The following ATP8A1 variants were observed in gnomAD, a reference collection of about 807,000 sequenced individuals.
ATP8A1 encodes the protein phospholipid-transporting ATPase IA.
ATP8A1 carries 90 observed loss-of-function variants against 177.7 expected under a neutral mutation model. The ratio of observed to expected loss-of-function variants is 0.51; its 90% confidence interval spans 0.43 to 0.60. The LOEUF (loss-of-function observed/expected upper bound fraction) is 0.60, where lower values mean the gene tolerates loss of function less well. ATP8A1 is among the 20% of genes least tolerant of loss of function. ATP8A1 has a pLI of 0.00. For missense variants in ATP8A1, 1,072 were observed against 1,392.8 expected (o/e 0.77, Z 3.67); for synonymous variants, 493 against 485.9 (o/e 1.01, Z -0.19).
intron 2 of ATP8A1, 31 bp downstream of exon 2, chr4:42,626,964 T>C: frequency 6.5e-7 from 1 of 1,536,776 alleles, no homozygotes; most frequent in Non-Finnish European, 9.0e-7. Flanking sequence ...CTCTGCTGGC[T>C]GGTCTCATGG....
intron 22 of ATP8A1, among the ~76,000 whole-genome samples, chr4:42,510,760 C>G (rs1462230868): frequency 1.3e-5 from 2 of 152,140 alleles, no homozygotes; most frequent in Non-Finnish European, 2.9e-5. Context: ...TACATTACCA[C>G]TCACATACCT....
chr4:42,417,294 A>T (rs78818650), intron 35 of ATP8A1, among the ~76,000 whole-genome samples: 5 of 151,610 alleles, frequency 3.3e-5, no homozygotes, highest in Admixed American at 3.3e-4. Context: ...TAGATATATT[A>T]AAAGTTCAGT....
intron 7 of ATP8A1, among the ~76,000 whole-genome samples, chr4:42,589,324 T>A (rs1474027088): frequency 1.3e-5 from 2 of 152,236 alleles, no homozygotes; most frequent in Non-Finnish European, 2.9e-5. Context: ...TAATCTCTTA[T>A]AAGCATGTGT....
chr4:42,593,933 G>A (rs537965665), intron 6 of ATP8A1, among the ~76,000 whole-genome samples: 4 of 151,846 alleles, frequency 2.6e-5, no homozygotes, highest in African/African-American at 9.7e-5. Context: ...GATTTATGAC[G>A]AACAAGGACT....
At chr4:42,512,615 C>G (rs185496054) in intron 22 of ATP8A1, among the ~76,000 whole-genome samples, 188 of 152,322 alleles carry the variant, frequency 1.2e-3, no homozygotes, top group African/African-American at 4.2e-3. Flanking sequence ...ACCTCCTTGC[C>G]TTACTGGTGT....
intron 1 of ATP8A1, among the ~76,000 whole-genome samples, chr4:42,640,769 T>C (rs1264294946): frequency 6.6e-6 from 1 of 152,106 alleles, no homozygotes; most frequent in Non-Finnish European, 1.5e-5. Flanking sequence ...GGTCTCTCCT[T>C]CCATCTCCTG....
rs1195400249 is a variant in ATP8A1 at position 42,446,632 on chromosome 4, C to A, written c.2909G>T (p.Gly970Val). The A allele has an allele frequency of 6.2e-7, 1 of 1,613,750 alleles. No individual in the cohort carries two copies. The highest frequency in any genetic ancestry group is 8.5e-7 in the Non-Finnish European group (1 of 1,179,778). ...CAGATAATCCGAGGTTTTCCCATTT[C>A]CAAATGCAGTACCTGTACGAAAAGG... ...LKALQYGTAF[G>V]NGKTSDYLLL... The change falls in exon 31 of 37, where the codon GGA (glycine) becomes GTA (valine). Residue 970 changes from glycine (G) to valine (V), a missense_variant. Transcript: ENST00000381668.
chr4:42,452,895 A>T (rs1718083360), intron 29 of ATP8A1, among the ~76,000 whole-genome samples: 1 of 152,222 alleles, frequency 6.6e-6, no homozygotes, highest in Non-Finnish European at 1.5e-5. Context: ...AAGCTGTTCA[A>T]ACAACAGAAA....
In ATP8A1 at chr4:42,455,609, A is replaced by G; in HGVS notation, c.2620-10T>C. On this transcript the variant is annotated splice_polypyrimidine_tract_variant and intron_variant, in intron 27 of 36. Transcript: ENST00000381668. ...CAAAGGCAAACCAGATCTAGGAAAAAAAACCCAAAACCCCCAAATTAGAAT... is the reference window on the plus strand; with the variant it reads ...CAAAGGCAAACCAGATCTAGGAAAAGAAACCCAAAACCCCCAAATTAGAAT... 1.2e-6 allele frequency: 2 copies of G among 1,609,664 alleles called. No individual in the cohort carries two copies. The highest frequency in any genetic ancestry group is 1.7e-4 in the Middle Eastern group (1 of 5,972).
At chr4:42,520,933 C>G (rs958650824) in intron 22 of ATP8A1, among the ~76,000 whole-genome samples, 1 of 152,030 alleles carries the variant, frequency 6.6e-6, no homozygotes, top group South Asian at 2.1e-4. Flanking sequence ...CATATGGTAA[C>G]CTTGTGCAAT....
chr4:42,464,429 T>A lies in ATP8A1; in HGVS notation c.2619+261A>T, dbSNP rs1307151633. ...ACAGGTGCCTGCTACCACGCCTGGCTAATTTTTGTATTTTTAGTAGAGACG... is the reference window on the plus strand; with the variant it reads ...ACAGGTGCCTGCTACCACGCCTGGCAAATTTTTGTATTTTTAGTAGAGACG... On this transcript the variant is annotated intron_variant, in intron 27 of 36. Transcript: ENST00000381668. 2.0e-5 allele frequency among the ~76,000 whole-genome samples: 3 copies of A among 152,166 alleles called. No individual in the cohort carries two copies. In the East Asian group the frequency reaches 5.8e-4, roughly 29 times the overall value.
At chr4:42,632,102 C>T (rs1036251969) in intron 1 of ATP8A1, among the ~76,000 whole-genome samples, 2 of 152,170 alleles carry the variant, frequency 1.3e-5, no homozygotes, top group African/African-American at 4.8e-5. Context: ...CAAATTCATA[C>T]ACCTATCACT....
chr4:42,442,306 C>T lies in ATP8A1; in HGVS notation c.3123+1259G>A, dbSNP rs142125932. Among the ~76,000 whole-genome samples the T allele has an allele frequency of 5.2e-3, 790 of 152,278 alleles. 3 individuals are homozygous for T. The highest frequency in any genetic ancestry group is 7.4e-3 in the Non-Finnish European group (506 of 68,026). ...AAGGCAGGTCCAATGAGACAGAGCACATCAGATAAAAACAAAGAATAGAAT... is the reference window on the plus strand; with the variant it reads ...AAGGCAGGTCCAATGAGACAGAGCATATCAGATAAAAACAAAGAATAGAAT... On this transcript the variant is annotated intron_variant, in intron 33 of 36. Transcript: ENST00000381668.
chr4:42,581,760 A>T, intron 9 of ATP8A1, 28 bp from the exon 10 acceptor site: 1 of 1,544,752 alleles, frequency 6.5e-7, no homozygotes, highest in Non-Finnish European at 8.9e-7. Flanking sequence ...GACATTAGAA[A>T]CAGTATTTTC....
chr4:42,525,578 T>C (rs1376251613), intron 20 of ATP8A1, among the ~76,000 whole-genome samples: 5 of 152,248 alleles, frequency 3.3e-5, no homozygotes, highest in Non-Finnish European at 7.3e-5. Context: ...TTAAAGTCCT[T>C]TTCAGCTTTA....
intron 24 of ATP8A1, among the ~76,000 whole-genome samples, chr4:42,497,399 T>C (rs961321878): frequency 9.1e-4 from 138 of 152,256 alleles, no homozygotes; most frequent in African/African-American, 3.1e-3. Flanking sequence ...AGGCATGGCG[T>C]GCGCCTCTCA....
At chr4:42,531,689 T>G (rs924732010) in intron 20 of ATP8A1, among the ~76,000 whole-genome samples, 5 of 152,150 alleles carry the variant, frequency 3.3e-5, no homozygotes, top group African/African-American at 1.2e-4. Flanking sequence ...ACAAAAAACT[T>G]AAATTTTAAT....
intron 27 of ATP8A1, among the ~76,000 whole-genome samples, chr4:42,463,739 T>C (rs1434560935): frequency 6.6e-6 from 1 of 152,224 alleles, no homozygotes; most frequent in East Asian, 1.9e-4. Flanking sequence ...TAAAACGGAT[T>C]ATAGAAATCC....
intron 2 of ATP8A1, chr4:42,626,622 G>C: frequency 4.1e-6 from 1 of 241,938 alleles, no homozygotes. Context: ...TATATAACCA[G>C]AAGGAATTCT....
Sources: gnomAD v4.1 joint callset for allele counts (sites outside exome capture counted in the v4.1 genomes callset) on GRCh38, gnomAD v4.1.1 for gene constraint, MANE v1.5 for transcripts, NCBI Gene and HGNC (gene_info 2026-07-23, HGNC 2026-07-21) for gene names.